The following TMTC1 variants were observed in gnomAD, a reference collection of about 807,000 sequenced individuals.
The protein encoded by TMTC1 is transmembrane O-mannosyltransferase targeting cadherins 1.
A neutral mutation model predicts 104.8 loss-of-function variants in TMTC1; 73 were observed. That is an observed-to-expected ratio of 0.70 (90% confidence interval 0.58 to 0.85). The LOEUF (loss-of-function observed/expected upper bound fraction) is 0.85, where lower values mean the gene tolerates loss of function less well. Among genes scored for constraint, TMTC1 ranks in the 40% least tolerant of loss-of-function variants. The probability of loss-of-function intolerance (pLI) is 0.00; values close to 1 mark genes in which losing one functional copy is unlikely to be tolerated. For missense variants in TMTC1, 1,035 were observed against 1,096.1 expected, an observed-to-expected ratio of 0.94 and a Z score of 0.79; for synonymous variants, 434 against 428.7, an observed-to-expected ratio of 1.01 and a Z score of -0.15.
At chr12:29,625,924 G>C (rs1200896821) in intron 6 of TMTC1, among the ~76,000 whole-genome samples, 1 of 152,144 alleles carries the variant, frequency 6.6e-6, no homozygotes, top group Non-Finnish European at 1.5e-5. Context: ...CAATCCATGA[G>C]CTAAGGTCAG....
At chr12:29,713,513 A>G (rs932541124) in intron 5 of TMTC1, among the ~76,000 whole-genome samples, 8 of 152,104 alleles carry the variant, frequency 5.3e-5, no homozygotes, top group African/African-American at 9.7e-5. Context: ...ACTGAGTTAC[A>G]TAAATTTGCA....
chr12:29,644,115 G>A lies in TMTC1; in HGVS notation c.939-10779C>T, dbSNP rs1360949868. 2.5e-3 allele frequency among the ~76,000 whole-genome samples: 191 copies of A among 77,064 alleles called. 44 individuals are homozygous for A. The highest frequency in any genetic ancestry group is 6.1e-3 in the Middle Eastern group (1 of 164). The allele number at this position is 77,064 out of a possible 152,430, so 50.6% of individuals were successfully genotyped here. Reference sequence around the variant, plus strand: ...AATATAAATATATAAATATATATGTGTGTGTGTGTGTGTGTGTGTGTGTGT... The same window carrying A: ...AATATAAATATATAAATATATATGTATGTGTGTGTGTGTGTGTGTGTGTGT... On this transcript the variant is annotated intron_variant, in intron 5 of 17. Coordinates refer to ENST00000539277, the MANE Select transcript of TMTC1 (RefSeq NM_001193451.2).
chr12:29,584,393 TTTTTA>T (rs746620127), intron 7 of TMTC1, among the ~76,000 whole-genome samples: 26 of 152,214 alleles, frequency 1.7e-4, no homozygotes, highest in Admixed American at 4.6e-4. Flanking sequence ...TTGAAATCTA[TTTTTA>T]TTTTATTTTA....
chr12:29,600,498 T>C (rs1272571202), intron 7 of TMTC1, among the ~76,000 whole-genome samples: 2 of 152,216 alleles, frequency 1.3e-5, no homozygotes, highest in African/African-American at 2.4e-5. Context: ...CAATTCTATA[T>C]ACCAGTGGGA....
At chr12:29,718,639 G>A (rs1206081086) in intron 5 of TMTC1, among the ~76,000 whole-genome samples, 1 of 152,146 alleles carries the variant, frequency 6.6e-6, no homozygotes, top group East Asian at 1.9e-4. Flanking sequence ...ATTATATTGA[G>A]AGGAATATAA....
chr12:29,782,487 T>C (rs1007028622), intron 1 of TMTC1, among the ~76,000 whole-genome samples: 1 of 152,124 alleles, frequency 6.6e-6, no homozygotes, highest in Admixed American at 6.5e-5. Flanking sequence ...ACGCCGATAA[T>C]AGCGCACCAA....
At chr12:29,574,334 C>G (rs1199317960) in intron 8 of TMTC1, among the ~76,000 whole-genome samples, 1 of 152,032 alleles carries the variant, frequency 6.6e-6, no homozygotes, top group African/African-American at 2.4e-5. Flanking sequence ...GGAAATTAAC[C>G]TTTCCCTATA....
Position 29,506,987 on chromosome 12 carries a change from C to T in TMTC1, c.2509-1G>A. 3 of 1,613,298 alleles carry T rather than the reference C, an allele frequency of 1.9e-6. No individual in the cohort carries two copies. The highest frequency in any genetic ancestry group is 2.5e-6 in the Non-Finnish European group (3 of 1,179,298). ...AAGCTCTTGCAGACACATATTTTCC[C>T]TGGGGGTGGGAAAGAGGGAGCAATT... On this transcript the variant is annotated splice_acceptor_variant, in intron 17 of 17. Transcript: ENST00000539277. LOFTEE classifies it high-confidence loss of function.
intron 5 of TMTC1, among the ~76,000 whole-genome samples, chr12:29,709,999 C>T (rs990969365): frequency 6.6e-6 from 1 of 152,082 alleles, no homozygotes; most frequent in Admixed American, 6.5e-5. Context: ...GAGGCAAACA[C>T]CTTGCCAAAA....
chr12:29,573,574 A>G (rs1430156273), intron 8 of TMTC1, among the ~76,000 whole-genome samples: 1 of 152,232 alleles, frequency 6.6e-6, no homozygotes, highest in African/African-American at 2.4e-5. Flanking sequence ...AAGGAAGCAC[A>G]GCATGCTTAT....
intron 5 of TMTC1, among the ~76,000 whole-genome samples, chr12:29,734,916 T>C (rs1387431825): frequency 1.3e-5 from 2 of 152,192 alleles, no homozygotes; most frequent in African/African-American, 4.8e-5. Flanking sequence ...AGTCAGAACA[T>C]AACGTGCTGA....
At chr12:29,602,584 C>A (rs1241350967) in intron 7 of TMTC1, among the ~76,000 whole-genome samples, 1 of 152,140 alleles carries the variant, frequency 6.6e-6, no homozygotes, top group Non-Finnish European at 1.5e-5. Context: ...ACTTCAGGGG[C>A]AGGCTGTGAC....
At chr12:29,580,284 A>G (rs1945942276) in intron 8 of TMTC1, among the ~76,000 whole-genome samples, 1 of 151,414 alleles carries the variant, frequency 6.6e-6, no homozygotes, top group African/African-American at 2.4e-5. Context: ...ACGCCACTAC[A>G]CCCCAGCCTG....
Position 29,640,915 on chromosome 12 carries a change from T to G in TMTC1, c.939-7579A>C, listed in dbSNP as rs528377095. On this transcript the variant is annotated intron_variant, in intron 5 of 17. Transcript: ENST00000539277. Reference sequence around the variant, plus strand: ...GTTGTTGAGGGGGGCATGGTGGGAGTGAGACCAGCCCTTCGGTTTGTGTGG... The same window carrying G: ...GTTGTTGAGGGGGGCATGGTGGGAGGGAGACCAGCCCTTCGGTTTGTGTGG... 3 of 151,924 alleles carry G rather than the reference T, an allele frequency of 2.0e-5. No homozygotes were observed. The East Asian group carries it at 5.8e-4, about 29-fold the overall frequency. 9.4% of individuals were successfully genotyped at this position (151,924 alleles called of 1,614,324 possible). A position where few individuals can be genotyped will look rare whatever the true frequency, so the allele number is the denominator to read the frequency against.
intron 16 of TMTC1, among the ~76,000 whole-genome samples, chr12:29,513,632 G>GC (rs1943902068): frequency 6.6e-6 from 1 of 152,038 alleles, no homozygotes; most frequent in Non-Finnish European, 1.5e-5. Flanking sequence ...ATAATTTTAT[G>GC]ACTTCAATAA....
chr12:29,782,623 T>A (rs991300092), intron 1 of TMTC1, among the ~76,000 whole-genome samples: 23 of 152,226 alleles, frequency 1.5e-4, no homozygotes, highest in Non-Finnish European at 1.9e-4. Context: ...CTTCTCTTCT[T>A]TCCTCAGAAG....
intron 1 of TMTC1, among the ~76,000 whole-genome samples, chr12:29,773,637 C>T (rs554412031): frequency 6.6e-6 from 1 of 152,200 alleles, no homozygotes; most frequent in East Asian, 1.9e-4. Flanking sequence ...TGGAGTTTTC[C>T]TGGAATAAAT....
chr12:29,570,031 C>T lies in TMTC1; in HGVS notation c.1532+2074G>A, dbSNP rs907840764. ...AAGTTATGCCTGAGGGTCTGCCTTA[C>T]TTTTCTTTTTGAACTTGACAGAAAA... is the stretch of plus-strand genomic sequence containing the variant. On this transcript the variant is annotated intron_variant, in intron 9 of 17. Transcript: ENST00000539277. Among the ~76,000 whole-genome samples the T allele has an allele frequency of 5.3e-5, 8 of 152,172 alleles. 1 individual carries two copies. In the South Asian group the frequency reaches 1.0e-3, roughly 20 times the overall value.
intron 6 of TMTC1, among the ~76,000 whole-genome samples, chr12:29,632,801 C>T (rs1209575550): frequency 6.6e-6 from 1 of 152,184 alleles, no homozygotes; most frequent in Non-Finnish European, 1.5e-5. Flanking sequence ...GGCAGTCACT[C>T]ATGAAAGTAG....
Sources: allele counts gnomAD v4.1 joint callset (sites outside exome capture counted in the v4.1 genomes callset), GRCh38; gene constraint gnomAD v4.1.1; transcripts MANE v1.5; gene names NCBI Gene and HGNC (gene_info 2026-07-23, HGNC 2026-07-21).